CAMKMT: variants seen among roughly 807,000 people sequenced by gnomAD.
CAMKMT encodes the protein CaM KMT.
A neutral mutation model predicts 48.0 loss-of-function variants in CAMKMT; 53 were observed. The observed-to-expected ratio is 1.10, with a 90% confidence interval of 0.89 to 1.39. CAMKMT has a LOEUF of 1.39. Ranked by LOEUF, CAMKMT falls within the 40% of genes most tolerant of loss-of-function variation. The pLI is 0.00. For missense variants in CAMKMT, 428 were observed against 402.7 expected (o/e 1.06, Z -0.54); for synonymous variants, 165 against 152.3 (o/e 1.08, Z -0.61).
At chr2:44,501,317 A>G (rs535349048) in intron 3 of CAMKMT, among the ~76,000 whole-genome samples, 3 of 152,230 alleles carry the variant, frequency 2.0e-5, no homozygotes, top group East Asian at 3.9e-4. Context: ...TTGACACTCT[A>G]TTGCTATTAA....
At chr2:44,443,485 A>G (rs1666794262) in intron 3 of CAMKMT, among the ~76,000 whole-genome samples, 1 of 151,610 alleles carries the variant, frequency 6.6e-6, no homozygotes, top group African/African-American at 2.4e-5. Flanking sequence ...ACTACTTAGC[A>G]TTTTCTTGGG....
chr2:44,549,525 T>C, intron 3 of CAMKMT: 1 of 693,944 alleles, frequency 1.4e-6, no homozygotes, highest in South Asian at 1.5e-5. Flanking sequence ...ACCTAAAATG[T>C]ATATATAATT....
In CAMKMT at chr2:44,395,605, A is replaced by G. The variant is rs138169280; in HGVS notation, c.376+5300A>G. Among the ~76,000 whole-genome samples, 378 of 152,288 alleles carry G rather than the reference A, an allele frequency of 2.5e-3. 2 individuals are homozygous for G. The highest frequency in any genetic ancestry group is 6.0e-3 in the South Asian group (29 of 4,830). On this transcript the variant is annotated intron_variant, in intron 3 of 10. Transcript: ENST00000378494. ...TAGCTCTGCGGGTTATTAGCTGTGT[A>G]ATTGTAGACGAGTCTTTGTACAAGT...
intron 3 of CAMKMT, among the ~76,000 whole-genome samples, chr2:44,591,536 CAT>C (rs1248480637): frequency 6.6e-6 from 1 of 152,060 alleles, no homozygotes; most frequent in Non-Finnish European, 1.5e-5. Context: ...GGAGTTCACT[CAT>C]GATTTGGCTC....
intron 3 of CAMKMT, among the ~76,000 whole-genome samples, chr2:44,689,173 A>G (rs996620634): frequency 2.6e-5 from 4 of 152,204 alleles, no homozygotes; most frequent in African/African-American, 9.6e-5. Context: ...GACAGGGAAC[A>G]ATAACAATTA....
At chr2:44,490,325 G>T (rs749579132) in intron 3 of CAMKMT, among the ~76,000 whole-genome samples, 26 of 151,802 alleles carry the variant, frequency 1.7e-4, no homozygotes, top group Non-Finnish European at 3.2e-4. Flanking sequence ...GCCCAGACTG[G>T]AGTGCAATGG....
At chr2:44,382,804 C>T (rs538964348) in intron 2 of CAMKMT, among the ~76,000 whole-genome samples, 18 of 152,170 alleles carry the variant, frequency 1.2e-4, no homozygotes, top group African/African-American at 2.2e-4. Context: ...ATTTAATTAC[C>T]CTGTCAAAGG....
At chr2:44,367,538 CA>C (rs1248220267) in intron 1 of CAMKMT, among the ~76,000 whole-genome samples, 4 of 152,128 alleles carry the variant, frequency 2.6e-5, no homozygotes, top group African/African-American at 9.7e-5. Context: ...TTATGTTTTG[CA>C]AATATTCCCA....
At chr2:44,740,401 A>G (rs1357711186) in intron 7 of CAMKMT, among the ~76,000 whole-genome samples, 1 of 152,110 alleles carries the variant, frequency 6.6e-6, no homozygotes, top group Non-Finnish European at 1.5e-5. Context: ...AAGTGCTAGG[A>G]TTACAGGCAT....
At chr2:44,573,835 G>T (rs1023276552) in intron 3 of CAMKMT, among the ~76,000 whole-genome samples, 1 of 152,032 alleles carries the variant, frequency 6.6e-6, no homozygotes, top group African/African-American at 2.4e-5. Context: ...TCACTGTTCT[G>T]AAATACAACC....
intron 3 of CAMKMT, among the ~76,000 whole-genome samples, chr2:44,506,147 G>A (rs1024096442): frequency 4.6e-5 from 7 of 152,074 alleles, no homozygotes; most frequent in Non-Finnish European, 8.8e-5. Flanking sequence ...ATGAGCCACC[G>A]CATCCTGTGA....
At chr2:44,486,788 C>T (rs576501910) in intron 3 of CAMKMT, among the ~76,000 whole-genome samples, 1 of 152,188 alleles carries the variant, frequency 6.6e-6, no homozygotes, top group African/African-American at 2.4e-5. Flanking sequence ...GGTGTACCCC[C>T]CAAGAAACCG....
chr2:44,501,075 TC>T (rs2104741151), intron 3 of CAMKMT, among the ~76,000 whole-genome samples: 1 of 151,864 alleles, frequency 6.6e-6, no homozygotes, highest in East Asian at 1.9e-4. Flanking sequence ...TTTTTTTTTT[TC>T]CTGGAGACTT....
chr2:44,714,286 A>G (rs1385649461), intron 6 of CAMKMT, among the ~76,000 whole-genome samples: 1 of 152,188 alleles, frequency 6.6e-6, no homozygotes, highest in African/African-American at 2.4e-5. Flanking sequence ...ACATCCCTTG[A>G]TCTGCAGACC....
chr2:44,489,241 C>CCA lies in CAMKMT; in HGVS notation c.376+98936_376+98937insCA, dbSNP rs1669364942. Among the ~76,000 whole-genome samples the CCA allele has an allele frequency of 6.0e-5, 7 of 117,302 alleles. No individual in the cohort carries two copies. In the South Asian group the frequency reaches 2.2e-3, roughly 37 times the overall value. The allele number at this position is 117,302 out of a possible 152,430, so 77.0% of individuals were successfully genotyped here. On this transcript the variant is annotated intron_variant, in intron 3 of 10. Coordinates refer to ENST00000378494, the MANE Select transcript of CAMKMT (RefSeq NM_024766.5). The stretch of plus-strand genomic sequence containing the variant: ...TTCATATTTATTTGTTCATGGAATA[C>CCA]TATTTTTTTTTTTTTTTTTTTTGAG...
chr2:44,558,023 A>T (rs112138995), intron 3 of CAMKMT, among the ~76,000 whole-genome samples: 201 of 138,118 alleles, frequency 1.5e-3, no homozygotes, highest in Middle Eastern at 0.011. Context: ...TGTGAGTTTT[A>T]TTTATTTATT....
intron 3 of CAMKMT, among the ~76,000 whole-genome samples, chr2:44,436,402 C>T (rs189027396): frequency 6.6e-6 from 1 of 152,216 alleles, no homozygotes; most frequent in African/African-American, 2.4e-5. Context: ...TTCAGAGCCT[C>T]TGCCTCCTCA....
intron 3 of CAMKMT, among the ~76,000 whole-genome samples, chr2:44,642,420 A>C (rs1024650478): frequency 6.6e-6 from 1 of 152,218 alleles, no homozygotes; most frequent in Non-Finnish European, 1.5e-5. Context: ...TGTTGAGTCT[A>C]AGCCAAGTAT....
chr2:44,507,138 C>T (rs1015940341), intron 3 of CAMKMT, among the ~76,000 whole-genome samples: 33 of 151,906 alleles, frequency 2.2e-4, no homozygotes, highest in African/African-American at 7.7e-4. Flanking sequence ...CAGTTTGGAG[C>T]TGAATAGAAG....
Sources: gnomAD v4.1 joint callset for allele counts (sites outside exome capture counted in the v4.1 genomes callset) on GRCh38, gnomAD v4.1.1 for gene constraint, MANE v1.5 for transcripts, NCBI Gene and HGNC (gene_info 2026-07-23, HGNC 2026-07-21) for gene names.